MYO9B: variants seen among roughly 807,000 people sequenced by gnomAD.
The protein encoded by MYO9B is unconventional myosin-IXb.
In MYO9B, 71 loss-of-function variants were observed where a neutral mutation model predicts 229.5. That is an observed-to-expected ratio of 0.31 (90% CI 0.26 to 0.38). The LOEUF is 0.38. Ranked by LOEUF, MYO9B falls within the 10% of genes least tolerant of loss-of-function variation. The pLI is 1.00. For synonymous variants in MYO9B, 1,185 were observed against 1,235.8 expected, an observed-to-expected ratio of 0.96 and a Z score of 0.86; for missense variants, 2,255 against 2,920.5, an observed-to-expected ratio of 0.77 and a Z score of 5.25.
chr19:17,134,786 C>T lies in MYO9B; in HGVS notation c.841-10611C>T, dbSNP rs369186253. Among the ~76,000 whole-genome samples the T allele has an allele frequency of 7.9e-5, 12 of 151,848 alleles. No individual in the cohort carries two copies. In the East Asian group the frequency reaches 9.7e-4, roughly 12 times the overall value. ...TGGGGTTTTTTGTTTTTTTTCGAGA[C>T]GGAGTCTTGCTTTGTTGCTCAGGTC... On this transcript the variant is annotated intron_variant, in intron 2 of 39. Transcript: ENST00000682292.
intron 2 of MYO9B, among the ~76,000 whole-genome samples, chr19:17,108,454 TC>T (rs1469187054): frequency 6.6e-6 from 1 of 152,118 alleles, no homozygotes; most frequent in East Asian, 1.9e-4. Flanking sequence ...TTGAGCAGCA[TC>T]CCTGGCCTCC....
At chr19:17,130,116 G>A (rs1416611675) in intron 2 of MYO9B, among the ~76,000 whole-genome samples, 1 of 152,044 alleles carries the variant, frequency 6.6e-6, no homozygotes, top group African/African-American at 2.4e-5. Context: ...CACCTGCCTG[G>A]CCTCCCTAAA....
At chr19:17,163,262 AC>A in intron 10 of MYO9B, 140 bp downstream of exon 10, 2 of 913,738 alleles carry the variant, frequency 2.2e-6, no homozygotes, top group Non-Finnish European at 3.2e-6. Context: ...TGCAAACGCC[AC>A]CACCATACAT....
intron 1 of MYO9B, among the ~76,000 whole-genome samples, chr19:17,094,199 C>T (rs559023847): frequency 3.3e-5 from 5 of 152,090 alleles, no homozygotes; most frequent in Admixed American, 2.6e-4. Flanking sequence ...CCATGCCTGG[C>T]TAATTTTGTA....
rs150279605 is a variant in MYO9B at position 17,128,269 on chromosome 19, T to C, written c.841-17128T>C. Among the ~76,000 whole-genome samples, 482 of 152,026 alleles carry C rather than the reference T, an allele frequency of 3.2e-3. 2 individuals are homozygous for C. Among genetic ancestry groups the C allele is most frequent in the African/African-American group, 0.011 (464 of 41,458 alleles). ...AGCAAGGCACAGTGGTATGCGCCGG[T>C]GGTCCCAGCTACTTGAGAGTCTGAG... On this transcript the variant is annotated intron_variant, in intron 2 of 39. Transcript: ENST00000682292.
intron 3 of MYO9B, among the ~76,000 whole-genome samples, chr19:17,146,036 CAG>C (rs1381797097): frequency 6.7e-6 from 1 of 148,746 alleles, no homozygotes; most frequent in Non-Finnish European, 1.5e-5. Context: ...GATGGATAGA[CAG>C]ATTTATGGAT....
intron 2 of MYO9B, among the ~76,000 whole-genome samples, chr19:17,107,709 T>C (rs1350666825): frequency 6.6e-6 from 1 of 152,242 alleles, no homozygotes; most frequent in African/African-American, 2.4e-5. Context: ...AGTCTCTGCC[T>C]CTGTCGTCAG....
chr19:17,098,382 C>A (rs1184744813), intron 1 of MYO9B, among the ~76,000 whole-genome samples: 1 of 152,146 alleles, frequency 6.6e-6, no homozygotes, highest in Non-Finnish European at 1.5e-5. Flanking sequence ...TATTCCTACT[C>A]CCCTAATGTC....
chr19:17,181,106 G>T lies in MYO9B; in HGVS notation c.2333+66G>T. On this transcript the variant is annotated intron_variant, in intron 15 of 39. Transcript: ENST00000682292. ...CGCCTCCCACTACTCCTGCGACCCC[G>T]GCGGGGCCTGCAGTCTTCCTAATTT... 3 of 1,155,420 alleles carry T rather than the reference G, an allele frequency of 2.6e-6. 1 individual carries two copies. In the Admixed American group the frequency reaches 6.3e-5, roughly 24 times the overall value. 71.6% of individuals were successfully genotyped at this position (1,155,420 alleles called of 1,614,324 possible).
rs141762589 is a variant in MYO9B at position 17,078,737 on chromosome 19, T to C, written c.-59+2863T>C. 2.0e-5 allele frequency among the ~76,000 whole-genome samples: 3 copies of C among 152,254 alleles called. No individual in the cohort carries two copies. The East Asian group carries it at 5.8e-4, about 29-fold the overall frequency. On this transcript the variant is annotated intron_variant, in intron 1 of 39. Transcript: ENST00000682292. ...GGAAAGATACCACGTGTTAAACCAC[T>C]CCGGGTGGAAGGGATTGCACAAGCA...
chr19:17,120,709 G>T (rs984733113), intron 2 of MYO9B, among the ~76,000 whole-genome samples: 9 of 150,908 alleles, frequency 6.0e-5, no homozygotes, highest in Non-Finnish European at 1.0e-4. Flanking sequence ...ATGCTAATTG[G>T]TAACAGTCCT....
Position 17,193,080 on chromosome 19 carries a change from A to G in MYO9B, c.3128+18A>G. 3 of 1,432,066 alleles carry G rather than the reference A, an allele frequency of 2.1e-6. No homozygotes were observed. The highest frequency in any genetic ancestry group is 2.5e-5 in the East Asian group (1 of 39,300). The allele number at this position is 1,432,066 out of a possible 1,614,324, so 88.7% of individuals were successfully genotyped here. ...CGCAAGAGGTGAGCAGAGCCGGGCC[A>G]CGCTCCTCGGAATATTCCAGAAGCC... On this transcript the variant is annotated intron_variant, in intron 21 of 39. Transcript: ENST00000682292. This position sits in a 1 kb window ranked among gnomAD's most constrained non-coding sequence, Gnocchi z 4.3.
chr19:17,163,188 A>G, intron 10 of MYO9B, 66 bp downstream of exon 10: 1 of 1,487,476 alleles, frequency 6.7e-7, no homozygotes, highest in African/African-American at 1.4e-5. Context: ...GAAATTTACC[A>G]TCTTAACCAT....
At position 17,210,748 on chromosome 19, in the gene MYO9B, G is replaced by A; in HGVS notation, c.5830G>A (p.Glu1944Lys). ...CCCCAAGACCCGGGACATCCAGGAG[G>A]AGGAGCTGGAGGTGCTGCTGGAGGA... is the stretch of plus-strand genomic sequence containing the variant. ...KSPKTRDIQE[E>K]ELEVLLEEEA... The change falls in exon 38 of 40, where the codon GAG becomes AAG. Residue 1944 changes from glutamate (E) to lysine (K), a missense_variant. Glu to Lys is a moderately conservative substitution (Grantham distance 56). Transcript: ENST00000682292. 1.3e-6 allele frequency: 2 copies of A among 1,563,180 alleles called. No individual in the cohort carries two copies. Among genetic ancestry groups the A allele is most frequent in the Non-Finnish European group, 1.7e-6 (2 of 1,154,186 alleles).
intron 1 of MYO9B, among the ~76,000 whole-genome samples, chr19:17,093,684 TGC>T (rs2057659882): frequency 3.4e-5 from 1 of 29,166 alleles, no homozygotes; most frequent in African/African-American, 2.1e-4. Context: ...GCAGTTTTTT[TGC>T]GGGGGGTGGG....
At chr19:17,076,402 G>T (rs1223121306) in intron 1 of MYO9B, among the ~76,000 whole-genome samples, 1 of 152,092 alleles carries the variant, frequency 6.6e-6, no homozygotes, top group Non-Finnish European at 1.5e-5. Flanking sequence ...TAACTGATGC[G>T]GCAGCCGGCT....
At chr19:17,142,945 A>C (rs2072359863) in intron 2 of MYO9B, among the ~76,000 whole-genome samples, 1 of 152,154 alleles carries the variant, frequency 6.6e-6, no homozygotes, top group Admixed American at 6.5e-5. Flanking sequence ...AGAGACTTAA[A>C]ACTTGAACAC....
intron 2 of MYO9B, among the ~76,000 whole-genome samples, chr19:17,121,463 A>ATATATATATATATATATATATATC (rs1030275525): frequency 9.3e-5 from 14 of 150,000 alleles, no homozygotes; most frequent in African/African-American, 3.3e-4. Context: ...ATATATATAT[A>ATATATATATATATATATATATATC]TCCAAGAGCT....
At chr19:17,150,096 G>A (rs1437377660) in intron 3 of MYO9B, among the ~76,000 whole-genome samples, 1 of 152,188 alleles carries the variant, frequency 6.6e-6, no homozygotes, top group Non-Finnish European at 1.5e-5. Context: ...GTGTGTCCCT[G>A]TGTGAGCCTG....
Sources: allele counts gnomAD v4.1 joint callset (sites outside exome capture counted in the v4.1 genomes callset), GRCh38; gene constraint gnomAD v4.1.1; non-coding constraint Gnocchi (gnomAD v3.1); transcripts MANE v1.5; gene names NCBI Gene and HGNC (gene_info 2026-07-23, HGNC 2026-07-21).